Variants in COLQ observed in about 807,000 individuals in gnomAD.
COLQ encodes acetylcholinesterase collagenic tail peptide.
In COLQ, 48 loss-of-function variants were observed where a neutral mutation model predicts 69.0. The ratio of observed to expected loss-of-function variants is 0.70; its 90% confidence interval spans 0.55 to 0.88. COLQ has a LOEUF of 0.88. COLQ is among the 40% of genes least tolerant of loss of function. The pLI, the probability that COLQ is intolerant of heterozygous loss-of-function variation, is 0.00. For synonymous variants in COLQ, 217 were observed against 211.2 expected, an observed-to-expected ratio of 1.03 and a Z score of -0.24; for missense variants, 618 against 594.6, an observed-to-expected ratio of 1.04 and a Z score of -0.41.
Position 15,485,301 on chromosome 3 carries a change from C to T in COLQ, c.321+2905G>A, listed in dbSNP as rs181863056. On this transcript the variant is annotated intron_variant, in intron 3 of 16. Coordinates refer to ENST00000383788, the MANE Select transcript of COLQ (RefSeq NM_005677.4). ...GCACCCAGCTGTATGAGGTGTCAGT[C>T]GGCCCCTACTGGGAGGTGTCTCCCA... Among the ~76,000 whole-genome samples, 430 of 152,272 alleles carry T rather than the reference C, an allele frequency of 2.8e-3. 2 individuals are homozygous for T. Among genetic ancestry groups the T allele is most frequent in the African/African-American group, 9.7e-3 (404 of 41,542 alleles).
intron 12 of COLQ, among the ~76,000 whole-genome samples, chr3:15,460,441 G>A (rs2062095311): frequency 6.6e-6 from 1 of 152,206 alleles, no homozygotes; most frequent in Admixed American, 6.5e-5. Context: ...AAAATAGCGA[G>A]GGGTGGGTTT....
intron 12 of COLQ, among the ~76,000 whole-genome samples, chr3:15,458,759 A>G (rs1397158383): frequency 6.6e-6 from 1 of 152,218 alleles, no homozygotes; most frequent in East Asian, 1.9e-4. Flanking sequence ...TTAGACCATT[A>G]TTAACAGAGG....
At chr3:15,505,397 A>G (rs2062895496) in intron 1 of COLQ, among the ~76,000 whole-genome samples, 1 of 152,244 alleles carries the variant, frequency 6.6e-6, no homozygotes, top group Admixed American at 6.5e-5. Context: ...ATATATCAAA[A>G]ATACCTCCTT....
chr3:15,473,980 A>T lies in COLQ; in HGVS notation c.636+20T>A. On this transcript the variant is annotated intron_variant, in intron 10 of 16. Coordinates refer to ENST00000383788, the MANE Select transcript of COLQ (RefSeq NM_005677.4). This position sits in a 1 kb window ranked among gnomAD's most constrained non-coding sequence, Gnocchi z 4.0. ...GATATTTTTATTGAGGCCTATTTTC[A>T]CTACCTCAAGGTTACTTACTTTCTG... 6.2e-7 allele frequency: 1 copy of T among 1,613,822 alleles called. No homozygotes were observed. The highest frequency in any genetic ancestry group is 8.5e-7 in the Non-Finnish European group (1 of 1,179,778).
At chr3:15,495,613 C>T (rs540760544) in intron 1 of COLQ, among the ~76,000 whole-genome samples, 1 of 152,170 alleles carries the variant, frequency 6.6e-6, no homozygotes, top group East Asian at 1.9e-4. Context: ...ACAGGGTGAC[C>T]CTGTCTGAAG....
Position 15,473,299 on chromosome 3 carries a change from G to A in COLQ, c.636+701C>T, listed in dbSNP as rs189241915. Among the ~76,000 whole-genome samples the A allele has an allele frequency of 1.6e-4, 25 of 152,050 alleles. No homozygotes were observed. In the East Asian group the frequency reaches 3.5e-3, roughly 21 times the overall value. On this transcript the variant is annotated intron_variant, in intron 10 of 16. Transcript: ENST00000383788. The surrounding 1 kb of genome is among the most constrained non-coding windows in gnomAD (Gnocchi z 4.0). ...CCTAAGTATCTGGCACTACAGGTGC[G>A]AACTACCATGCCCAGCTAATGTTTT...
chr3:15,495,242 A>G (rs1195738020), intron 1 of COLQ, among the ~76,000 whole-genome samples: 3 of 152,224 alleles, frequency 2.0e-5, no homozygotes, highest in Non-Finnish European at 4.4e-5. Context: ...GAGGGAGAAC[A>G]CACACCGGAA....
intron 1 of COLQ, among the ~76,000 whole-genome samples, chr3:15,516,058 G>A (rs1003912264): frequency 1.3e-4 from 20 of 152,306 alleles, no homozygotes; most frequent in African/African-American, 4.3e-4. Flanking sequence ...GTCTGAACAG[G>A]ACATGAGCCC....
At chr3:15,512,157 G>A (rs968489128) in intron 1 of COLQ, among the ~76,000 whole-genome samples, 1 of 152,194 alleles carries the variant, frequency 6.6e-6, no homozygotes, top group African/African-American at 2.4e-5. Context: ...AGAAGGAAGA[G>A]GAGAGTGGTA....
chr3:15,521,448 T>G, intron 1 of COLQ, 72 bp downstream of exon 1: 1 of 1,594,914 alleles, frequency 6.3e-7, no homozygotes, highest in Non-Finnish European at 8.6e-7. Context: ...CAGGACACAT[T>G]GCAAAACAAT....
At chr3:15,469,348 A>G (rs78753321) in intron 11 of COLQ, among the ~76,000 whole-genome samples, 1 of 152,318 alleles carries the variant, frequency 6.6e-6, no homozygotes, top group Admixed American at 6.5e-5. Context: ...TTAAAATATT[A>G]TGAATGGAAA....
intron 1 of COLQ, among the ~76,000 whole-genome samples, chr3:15,508,603 G>C (rs1304697507): frequency 6.6e-6 from 1 of 152,126 alleles, no homozygotes; most frequent in Non-Finnish European, 1.5e-5. Flanking sequence ...GGAAAGCCAG[G>C]TTTGATAAGT....
intron 1 of COLQ, chr3:15,506,938 A>ATTT (rs1326833523): frequency 6.6e-6 from 1 of 152,222 alleles, no homozygotes; most frequent in Non-Finnish European, 1.5e-5. Flanking sequence ...TTATTCTGTA[A>ATTT]CTACATAAAA....
At chr3:15,506,021 C>T (rs910843971) in intron 1 of COLQ, among the ~76,000 whole-genome samples, 1 of 152,200 alleles carries the variant, frequency 6.6e-6, no homozygotes, top group Non-Finnish European at 1.5e-5. Flanking sequence ...CTGGGAGTCC[C>T]ATGGCTGCCC....
intron 6 of COLQ, among the ~76,000 whole-genome samples, chr3:15,476,069 CTAAT>C (rs2062373954): frequency 6.6e-6 from 1 of 152,180 alleles, no homozygotes; most frequent in Non-Finnish European, 1.5e-5. Context: ...CTCCTTTAAT[CTAAT>C]TAATCATCCC....
At chr3:15,493,740 C>T (rs1359551125) in intron 1 of COLQ, among the ~76,000 whole-genome samples, 1 of 152,224 alleles carries the variant, frequency 6.6e-6, no homozygotes, top group Non-Finnish European at 1.5e-5. Context: ...TCAACAGAGG[C>T]TGTGGGAGGA....
intron 12 of COLQ, among the ~76,000 whole-genome samples, chr3:15,465,159 G>A (rs1046676104): frequency 2.1e-5 from 1 of 47,688 alleles, no homozygotes; most frequent in African/African-American, 8.9e-5. Context: ...GGGCGACAGA[G>A]CAAGGCTCCG....
chr3:15,518,236 G>A (rs554692197), intron 1 of COLQ, among the ~76,000 whole-genome samples: 3 of 152,226 alleles, frequency 2.0e-5, no homozygotes, highest in Non-Finnish European at 2.9e-5. Context: ...GTGAGCCACC[G>A]CGCCTGGCCT....
intron 1 of COLQ, among the ~76,000 whole-genome samples, chr3:15,511,037 G>C (rs2062978770): frequency 6.6e-6 from 1 of 152,144 alleles, no homozygotes; most frequent in Non-Finnish European, 1.5e-5. Context: ...TACACGCCAA[G>C]ACCCCTTCTT....
Sources: allele counts gnomAD v4.1 joint callset (sites outside exome capture counted in the v4.1 genomes callset), GRCh38; gene constraint gnomAD v4.1.1; non-coding constraint Gnocchi (gnomAD v3.1); transcripts MANE v1.5; gene names NCBI Gene and HGNC (gene_info 2026-07-23, HGNC 2026-07-21).